CDKAL1: variants seen among roughly 807,000 people sequenced by gnomAD.
CDKAL1 encodes the protein threonylcarbamoyladenosine tRNA methylthiotransferase.
CDKAL1 carries 32 observed loss-of-function variants against 68.2 expected under a neutral mutation model. The observed-to-expected ratio is 0.47, with a 90% CI of 0.35 to 0.63. The LOEUF (loss-of-function observed/expected upper bound fraction) is 0.63, where lower values mean the gene tolerates loss of function less well. Ranked by LOEUF, CDKAL1 falls within the 30% of genes least tolerant of loss-of-function variation. CDKAL1 has a pLI of 0.00. For synonymous variants in CDKAL1, 234 were observed against 244.3 expected (o/e 0.96, Z 0.39); for missense variants, 606 against 696.7 (o/e 0.87, Z 1.47).
intron 6 of CDKAL1, among the ~76,000 whole-genome samples, chr6:20,745,643 A>G (rs1200814749): frequency 3.3e-5 from 5 of 152,288 alleles, no homozygotes; most frequent in East Asian, 1.9e-4. Context: ...GATTAAGAGT[A>G]TGGATTCAGG....
Position 20,748,995 on chromosome 6 carries a change from G to GTATATA in CDKAL1, c.468+9381_468+9382insATATAT, listed in dbSNP as rs1352605288. 2.4e-3 allele frequency among the ~76,000 whole-genome samples: 328 copies of GTATATA among 138,126 alleles called. 2 individuals are homozygous for GTATATA. Among genetic ancestry groups the GTATATA allele is most frequent in the African/African-American group, 8.6e-3 (310 of 36,224 alleles). The allele number at this position is 138,126 out of a possible 152,430, so 90.6% of individuals were successfully genotyped here. A position where few individuals can be genotyped will look rare whatever the true frequency, so the allele number is the denominator to read the frequency against. ...TGTATGTGTATATATATGTATGTGT[G>GTATATA]TGTATATATATATATAAAATGTATT... On this transcript the variant is annotated intron_variant, in intron 6 of 15. Transcript: ENST00000274695.
intron 4 of CDKAL1, among the ~76,000 whole-genome samples, chr6:20,555,361 C>T (rs1458900622): frequency 6.6e-6 from 1 of 152,082 alleles, no homozygotes; most frequent in Non-Finnish European, 1.5e-5. Context: ...TGCTCTGTTG[C>T]CCAGGCTGGA....
chr6:21,178,127 A>G (rs539736512), intron 13 of CDKAL1, among the ~76,000 whole-genome samples: 4 of 152,192 alleles, frequency 2.6e-5, no homozygotes, highest in East Asian at 1.9e-4. Flanking sequence ...TGTTGCAAGC[A>G]TAAGGCACAG....
At chr6:20,683,899 T>A (rs973945362) in intron 5 of CDKAL1, among the ~76,000 whole-genome samples, 2 of 152,252 alleles carry the variant, frequency 1.3e-5, no homozygotes, top group African/African-American at 2.4e-5. Flanking sequence ...CATCCACTGA[T>A]GTTTTGATTG....
chr6:20,621,099 T>C (rs969643152), intron 4 of CDKAL1, among the ~76,000 whole-genome samples: 1 of 152,166 alleles, frequency 6.6e-6, no homozygotes, highest in East Asian at 1.9e-4. Context: ...GATTTACCAT[T>C]TGCATTTAAG....
intron 6 of CDKAL1, among the ~76,000 whole-genome samples, chr6:20,741,844 T>C (rs148895060): frequency 6.6e-6 from 1 of 152,270 alleles, no homozygotes; most frequent in East Asian, 1.9e-4. Context: ...CATTGCTGGG[T>C]CAAATGGTAG....
intron 8 of CDKAL1, among the ~76,000 whole-genome samples, chr6:20,787,536 T>C (rs192025939): frequency 2.6e-5 from 4 of 152,202 alleles, no homozygotes; most frequent in Non-Finnish European, 5.9e-5. Flanking sequence ...TCTTGTAACG[T>C]TGGTGGAGTC....
chr6:20,701,259 GTT>G (rs11305935), intron 5 of CDKAL1, among the ~76,000 whole-genome samples: 192 of 118,538 alleles, frequency 1.6e-3, no homozygotes, highest in African/African-American at 2.1e-3. Context: ...ACATGAAGTT[GTT>G]TTTTTTTTTT....
intron 11 of CDKAL1, among the ~76,000 whole-genome samples, chr6:21,003,338 T>C (rs1242002512): frequency 1.2e-4 from 4 of 34,442 alleles, no homozygotes; most frequent in African/African-American, 4.1e-4. Context: ...AAACCATCTC[T>C]ACTAAATATA....
At chr6:20,905,444 C>T (rs1337332259) in intron 9 of CDKAL1, among the ~76,000 whole-genome samples, 2 of 152,048 alleles carry the variant, frequency 1.3e-5, no homozygotes, top group Non-Finnish European at 2.9e-5. Flanking sequence ...TATAAGGGAC[C>T]TGTGGAACCT....
intron 11 of CDKAL1, among the ~76,000 whole-genome samples, chr6:21,026,166 A>T (rs1768943084): frequency 6.6e-6 from 1 of 152,168 alleles, no homozygotes; most frequent in Admixed American, 6.5e-5. Context: ...AGCAAGTTAA[A>T]ATTAAATAAA....
chr6:20,766,566 A>G (rs909551816), intron 7 of CDKAL1, among the ~76,000 whole-genome samples: 1 of 152,194 alleles, frequency 6.6e-6, no homozygotes, highest in Non-Finnish European at 1.5e-5. Context: ...ACACTTACAC[A>G]TTAACTCTTG....
intron 7 of CDKAL1, among the ~76,000 whole-genome samples, chr6:20,777,698 C>G (rs1775233325): frequency 6.6e-6 from 1 of 152,076 alleles, no homozygotes. Context: ...CATGAGTCTC[C>G]CCTTAACCAT....
chr6:21,212,140 G>A (rs777306119), intron 15 of CDKAL1, among the ~76,000 whole-genome samples: 4 of 152,214 alleles, frequency 2.6e-5, no homozygotes, highest in Admixed American at 6.5e-5. Context: ...AGCAGGCCCC[G>A]CCTGACTGGT....
intron 12 of CDKAL1, among the ~76,000 whole-genome samples, chr6:21,103,550 G>C (rs1320873486): frequency 6.6e-6 from 1 of 152,118 alleles, no homozygotes; most frequent in African/African-American, 2.4e-5. Flanking sequence ...CGGGAATCTA[G>C]AAGTTTTACC....
intron 11 of CDKAL1, among the ~76,000 whole-genome samples, chr6:21,016,612 TCATCCATCCATCCATCCATCCATC>T (rs3061573): frequency 3.1e-4 from 45 of 144,110 alleles, no homozygotes; most frequent in African/African-American, 9.7e-4. Context: ...CGCCTTCCAT[TCATCCATCCATCCATCCATCCATC>T]CATCCATCCA....
chr6:20,848,793 C>CT (rs773701322), intron 9 of CDKAL1, among the ~76,000 whole-genome samples: 2,497 of 139,254 alleles, frequency 0.018, 59 homozygotes, highest in African/African-American at 0.054. Context: ...TTCTTTCTTT[C>CT]TTTTTTTTTT....
chr6:21,216,633 G>T (rs1562124381), intron 15 of CDKAL1, among the ~76,000 whole-genome samples: 1 of 152,116 alleles, frequency 6.6e-6, no homozygotes, highest in Admixed American at 6.5e-5. Flanking sequence ...GAAGAGGGAG[G>T]TTAGCGACTG....
chr6:20,683,720 TTA>T (rs1770489100), intron 5 of CDKAL1, among the ~76,000 whole-genome samples: 1 of 152,224 alleles, frequency 6.6e-6, no homozygotes, highest in Non-Finnish European at 1.5e-5. Flanking sequence ...TGACACATCA[TTA>T]TCAATCACCC....
Sources: allele counts gnomAD v4.1 joint callset (sites outside exome capture counted in the v4.1 genomes callset), GRCh38; gene constraint gnomAD v4.1.1; transcripts MANE v1.5; gene names NCBI Gene and HGNC (gene_info 2026-07-23, HGNC 2026-07-21).